ADGRB3: variants seen among roughly 807,000 people sequenced by gnomAD.
ADGRB3 encodes adhesion G protein-coupled receptor B3, also known as brain-specific angiogenesis inhibitor 3.
ADGRB3 carries 37 observed loss-of-function variants against 193.4 expected under a neutral mutation model. The observed-to-expected ratio is 0.19, with a 90% CI of 0.15 to 0.25. ADGRB3 has a LOEUF of 0.25. Among genes scored for constraint, ADGRB3 ranks in the 10% least tolerant of loss-of-function variants. The pLI is 1.00. For synonymous variants in ADGRB3, 690 were observed against 644.2 expected (o/e 1.07, Z -1.08); for missense variants, 1,637 against 1,852.9 (o/e 0.88, Z 2.14).
intron 17 of ADGRB3, among the ~76,000 whole-genome samples, chr6:69,142,120 T>A (rs1455633164): frequency 6.6e-6 from 1 of 152,216 alleles, no homozygotes; most frequent in Non-Finnish European, 1.5e-5. Flanking sequence ...TGGCACTTTT[T>A]AAAAATATAA....
chr6:69,233,464 T>C (rs754694759), intron 18 of ADGRB3, 48 bp downstream of exon 18: 7 of 1,608,062 alleles, frequency 4.4e-6, no homozygotes, highest in Admixed American at 3.4e-5. Context: ...ACAGGGATAT[T>C]GTGGCTAGTG....
intron 5 of ADGRB3, among the ~76,000 whole-genome samples, chr6:68,941,876 C>T (rs952793497): frequency 6.7e-6 from 1 of 149,948 alleles, no homozygotes; most frequent in Non-Finnish European, 1.5e-5. Context: ...GTATATGCAT[C>T]TTTTATATAT....
intron 10 of ADGRB3, among the ~76,000 whole-genome samples, chr6:68,977,842 GGA>G (rs1362115618): frequency 6.9e-6 from 1 of 144,112 alleles, no homozygotes; most frequent in African/African-American, 2.4e-5. Context: ...TATCTGTCGG[GGA>G]GCAGTCACTT....
At chr6:68,750,887 C>T (rs1766184993) in intron 3 of ADGRB3, among the ~76,000 whole-genome samples, 1 of 152,184 alleles carries the variant, frequency 6.6e-6, no homozygotes, top group African/African-American at 2.4e-5. Flanking sequence ...CTTCAGGAAG[C>T]TAGTCCTCTT....
At chr6:68,772,014 T>C (rs1324713620) in intron 3 of ADGRB3, among the ~76,000 whole-genome samples, 3 of 152,158 alleles carry the variant, frequency 2.0e-5, no homozygotes, top group Non-Finnish European at 4.4e-5. Context: ...AGAAGAGGAC[T>C]ACTTTGAGGA....
At chr6:69,380,733 C>G (rs16900676) in intron 30 of ADGRB3, among the ~76,000 whole-genome samples, 19,138 of 151,884 alleles carry the variant, frequency 0.13, 1,281 homozygotes, top group Middle Eastern at 0.3. Context: ...TTCTTTATCA[C>G]GCTTACAGTT....
chr6:68,874,348 CTG>C, intron 3 of ADGRB3, among the ~76,000 whole-genome samples: 1 of 152,178 alleles, frequency 6.6e-6, no homozygotes, highest in East Asian at 1.9e-4. Flanking sequence ...CTAGGCTTGA[CTG>C]TTATAATTAT....
chr6:69,373,119 C>T (rs1342004831), intron 30 of ADGRB3, among the ~76,000 whole-genome samples: 2 of 151,936 alleles, frequency 1.3e-5, no homozygotes, highest in African/African-American at 4.8e-5. Flanking sequence ...GACGTTTAAG[C>T]ACCACATAAA....
At chr6:68,708,254 T>G (rs1765357666) in intron 3 of ADGRB3, among the ~76,000 whole-genome samples, 1 of 152,164 alleles carries the variant, frequency 6.6e-6, no homozygotes, top group South Asian at 2.1e-4. Flanking sequence ...TAAAGAGAGA[T>G]ATAACCCAAG....
At chr6:68,836,275 T>C (rs1768044632) in intron 3 of ADGRB3, among the ~76,000 whole-genome samples, 1 of 152,072 alleles carries the variant, frequency 6.6e-6, no homozygotes, top group South Asian at 2.1e-4. Context: ...CAAGGGGCGC[T>C]GGTGTGGCAC....
At chr6:69,043,290 G>GAGAA (rs145178367) in intron 13 of ADGRB3, among the ~76,000 whole-genome samples, 1,719 of 88,082 alleles carry the variant, frequency 0.02, 37 homozygotes, top group African/African-American at 0.044. Flanking sequence ...GGAAGAAAGA[G>GAGAA]AGAAAGAAAG....
intron 3 of ADGRB3, among the ~76,000 whole-genome samples, chr6:68,795,986 A>T (rs1767199416): frequency 6.6e-6 from 1 of 152,124 alleles, no homozygotes; most frequent in Admixed American, 6.6e-5. Context: ...AGCTTTGTGA[A>T]TCTTTTCTGT....
intron 26 of ADGRB3, among the ~76,000 whole-genome samples, chr6:69,347,682 G>A (rs548747794): frequency 1.3e-5 from 2 of 152,212 alleles, no homozygotes; most frequent in Non-Finnish European, 2.9e-5. Context: ...CTATTCAGGA[G>A]GAGAAGGTAG....
At chr6:68,649,344 C>T (rs1382938880) in intron 3 of ADGRB3, among the ~76,000 whole-genome samples, 1 of 152,086 alleles carries the variant, frequency 6.6e-6, no homozygotes, top group African/African-American at 2.4e-5. Context: ...AACAACATCT[C>T]TATAAGATAA....
intron 17 of ADGRB3, among the ~76,000 whole-genome samples, chr6:69,201,640 C>T (rs758892285): frequency 5.3e-5 from 8 of 152,048 alleles, no homozygotes; most frequent in Non-Finnish European, 7.4e-5. Context: ...GTGCTCTTAA[C>T]GTCAGGCACT....
At chr6:68,709,234 C>T (rs1030776943) in intron 3 of ADGRB3, among the ~76,000 whole-genome samples, 43 of 152,068 alleles carry the variant, frequency 2.8e-4, no homozygotes, top group African/African-American at 8.7e-4. Flanking sequence ...TATTTAATAG[C>T]GAATAGCTTT....
intron 13 of ADGRB3, among the ~76,000 whole-genome samples, chr6:69,037,471 A>G (rs1409869603): frequency 6.7e-6 from 1 of 149,380 alleles, no homozygotes; most frequent in Non-Finnish European, 1.5e-5. Context: ...GAGTTTGTCA[A>G]CTCATGCTAT....
intron 13 of ADGRB3, among the ~76,000 whole-genome samples, chr6:69,019,192 T>TA (rs1582398036): frequency 6.6e-6 from 1 of 152,026 alleles, no homozygotes; most frequent in Non-Finnish European, 1.5e-5. Context: ...GATGTAGGCT[T>TA]ACAGTTTTCT....
At chr6:69,329,831 ACTGT>A (rs1374157971) in intron 22 of ADGRB3, among the ~76,000 whole-genome samples, 1 of 152,102 alleles carries the variant, frequency 6.6e-6, no homozygotes, top group Non-Finnish European at 1.5e-5. Context: ...GCTGTGAGAG[ACTGT>A]TTCTCCCCAA....
Sources: allele counts gnomAD v4.1 joint callset (sites outside exome capture counted in the v4.1 genomes callset), GRCh38; gene constraint gnomAD v4.1.1; transcripts MANE v1.5; gene names NCBI Gene and HGNC (gene_info 2026-07-23, HGNC 2026-07-21).